Variants in CSMD1 observed in about 807,000 individuals in gnomAD.
CSMD1 encodes the protein CUB and Sushi multiple domains 1.
Under a neutral mutation model 417.5 loss-of-function variants are expected in CSMD1, and 213 were observed. That is an observed-to-expected ratio of 0.51 (90% CI 0.46 to 0.57). The LOEUF (loss-of-function observed/expected upper bound fraction) is 0.57, where lower values mean the gene tolerates loss of function less well. CSMD1 is among the 20% of genes least tolerant of loss of function. The pLI is 0.00. For synonymous variants in CSMD1, 2,862 were observed against 1,736.8 expected, an observed-to-expected ratio of 1.65 and a Z score of -16.11; for missense variants, 6,923 against 4,529.7, an observed-to-expected ratio of 1.53 and a Z score of -15.17.
At chr8:4,373,767 C>G (rs1471617998) in intron 3 of CSMD1, among the ~76,000 whole-genome samples, 1 of 152,196 alleles carries the variant, frequency 6.6e-6, no homozygotes, top group African/African-American at 2.4e-5. Flanking sequence ...CAGGTTCTCC[C>G]TGGGGCACTT....
chr8:4,788,097 G>A (rs1309802396), intron 1 of CSMD1: 7 of 1,603,498 alleles, frequency 4.4e-6, no homozygotes, highest in Non-Finnish European at 1.7e-6. Context: ...TTTGAAATCA[G>A]AAAGTCAGTG....
At chr8:4,412,456 G>A (rs1476110710) in intron 3 of CSMD1, among the ~76,000 whole-genome samples, 1 of 152,158 alleles carries the variant, frequency 6.6e-6, no homozygotes, top group African/African-American at 2.4e-5. Context: ...CTCAACAGAA[G>A]CCGGGCAGAT....
chr8:4,467,337 C>G (rs1401808498), intron 2 of CSMD1, among the ~76,000 whole-genome samples: 4 of 152,088 alleles, frequency 2.6e-5, no homozygotes, highest in African/African-American at 4.8e-5. Flanking sequence ...TGACCCATTA[C>G]TGAATGTGTA....
intron 12 of CSMD1, among the ~76,000 whole-genome samples, chr8:3,461,902 C>T (rs1289287369): frequency 6.6e-6 from 1 of 152,244 alleles, no homozygotes; most frequent in African/African-American, 2.4e-5. Context: ...GCTGCAGAAG[C>T]CAACTAGCCC....
At chr8:4,669,802 A>C (rs553349445) in intron 1 of CSMD1, among the ~76,000 whole-genome samples, 19 of 152,348 alleles carry the variant, frequency 1.2e-4, no homozygotes, top group Non-Finnish European at 2.8e-4. Context: ...AGAATGATTT[A>C]AGTAGCAATA....
chr8:4,842,044 C>A (rs150622347), intron 1 of CSMD1, among the ~76,000 whole-genome samples: 1 of 151,144 alleles, frequency 6.6e-6, no homozygotes, highest in Non-Finnish European at 1.5e-5. Context: ...GAGAGAGATG[C>A]TTTTCAATCA....
At chr8:4,032,242 A>G (rs72624013) in intron 3 of CSMD1, 143 bp from the exon 4 acceptor site, 1 of 602,672 alleles carries the variant, frequency 1.7e-6, no homozygotes. Context: ...TTGCTAAAAA[A>G]TAAACTGAGA....
At chr8:4,290,806 A>G (rs148549618) in intron 3 of CSMD1, among the ~76,000 whole-genome samples, 2 of 152,208 alleles carry the variant, frequency 1.3e-5, no homozygotes, top group African/African-American at 4.8e-5. Context: ...ACTTTCAAGA[A>G]ATCACAATTT....
chr8:3,419,111 C>T (rs1813330367), intron 12 of CSMD1, among the ~76,000 whole-genome samples: 1 of 152,192 alleles, frequency 6.6e-6, no homozygotes, highest in Non-Finnish European at 1.5e-5. Context: ...TCATGGAGGT[C>T]GAGGCTTCTC....
intron 1 of CSMD1, among the ~76,000 whole-genome samples, chr8:4,850,630 T>C (rs1801417012): frequency 6.6e-6 from 1 of 152,096 alleles, no homozygotes; most frequent in Admixed American, 6.5e-5. Context: ...CTTTTCTCTC[T>C]ATGACTCTTC....
intron 3 of CSMD1, among the ~76,000 whole-genome samples, chr8:4,384,041 G>C (rs1472647851): frequency 4.6e-5 from 4 of 86,508 alleles, no homozygotes; most frequent in South Asian, 3.8e-4. Flanking sequence ...CAGATGTTTG[G>C]TCTTGTTCAG....
At chr8:3,051,711 T>C (rs1811827781) in intron 50 of CSMD1, among the ~76,000 whole-genome samples, 1 of 152,196 alleles carries the variant, frequency 6.6e-6, no homozygotes, top group African/African-American at 2.4e-5. Context: ...TACAGAAATG[T>C]TATATAGTTT....
chr8:4,957,557 A>G (rs75884183), intron 1 of CSMD1, among the ~76,000 whole-genome samples: 4,331 of 152,284 alleles, frequency 0.028, 185 homozygotes, highest in African/African-American at 0.094. Flanking sequence ...TTGTGATATC[A>G]GTGTCTTTGT....
At chr8:4,806,444 A>G (rs1798593110) in intron 1 of CSMD1, among the ~76,000 whole-genome samples, 1 of 143,448 alleles carries the variant, frequency 7.0e-6, no homozygotes, top group South Asian at 2.3e-4. Context: ...AGTGCCATCA[A>G]CACCCTGCCT....
intron 5 of CSMD1, among the ~76,000 whole-genome samples, chr8:3,940,799 G>C (rs1436596417): frequency 2.0e-5 from 3 of 150,044 alleles, no homozygotes; most frequent in Non-Finnish European, 4.4e-5. Flanking sequence ...ATATTATTAA[G>C]ACTATAACAA....
In CSMD1 at chr8:2,962,508, G is replaced by C; in HGVS notation, c.9586C>G (p.Gln3196Glu). 5 of 1,613,872 alleles carry C rather than the reference G, an allele frequency of 3.1e-6. No homozygotes were observed. The highest frequency in any genetic ancestry group is 4.2e-6 in the Non-Finnish European group (5 of 1,179,836). ...ILVGSSRRVC[Q>E]ADGTWSGIQP... ...ATGCCGCTCCACGTGCCGTCAGCTT[G>C]GCAGACTCTTCTGGAGGATCCCACG... Residue 3196 changes from glutamine (Q) to glutamate (E), a missense_variant, in exon 61 of 70, where the codon CAA (glutamine) becomes GAA (glutamate). Gln to Glu is a conservative substitution (Grantham distance 29). Coordinates refer to ENST00000635120, the MANE Select transcript of CSMD1 (RefSeq NM_033225.6).
rs1001315669 is a variant in CSMD1, at chr8:3,766,903, G to A, written c.819-12861C>T. Among the ~76,000 whole-genome samples, 4 of 152,210 alleles carry A rather than the reference G, an allele frequency of 2.6e-5. No individual in the cohort carries two copies. In the South Asian group the frequency reaches 8.3e-4, roughly 32 times the overall value. On this transcript the variant is annotated intron_variant, in intron 5 of 69. Coordinates refer to ENST00000635120, the MANE Select transcript of CSMD1 (RefSeq NM_033225.6). ...CACTTGATAGACTGACGCAGACCTT[G>A]TTCAGTCAGCTGGTAAGATATCCAA... is the stretch of plus-strand genomic sequence containing the variant.
At chr8:4,437,408 G>A (rs553495886) in intron 2 of CSMD1, among the ~76,000 whole-genome samples, 3 of 152,254 alleles carry the variant, frequency 2.0e-5, no homozygotes, top group East Asian at 1.9e-4. Flanking sequence ...CTAGCAAAGT[G>A]AGCCACATTT....
chr8:3,870,584 G>A (rs1456192420), intron 5 of CSMD1, among the ~76,000 whole-genome samples: 2 of 152,114 alleles, frequency 1.3e-5, no homozygotes, highest in Admixed American at 1.3e-4. Flanking sequence ...TTGTAACAGA[G>A]GATCTCTTTC....
Sources: allele counts gnomAD v4.1 joint callset (sites outside exome capture counted in the v4.1 genomes callset), GRCh38; gene constraint gnomAD v4.1.1; transcripts MANE v1.5; gene names NCBI Gene and HGNC (gene_info 2026-07-23, HGNC 2026-07-21).